TDRD5: variants seen among roughly 807,000 people sequenced by gnomAD.
TDRD5 encodes tudor domain-containing protein 5.
TDRD5 carries 41 observed loss-of-function variants against 120.6 expected under a neutral mutation model. The observed-to-expected ratio is 0.34, with a 90% CI of 0.26 to 0.44. The LOEUF is 0.44. Among genes scored for constraint, TDRD5 ranks in the 20% least tolerant of loss-of-function variants. The probability of loss-of-function intolerance (pLI) is 1.00; values close to 1 mark genes in which losing one functional copy is unlikely to be tolerated. For missense variants in TDRD5, 1,006 were observed against 1,221.2 expected (o/e 0.82, Z 2.63); for synonymous variants, 430 against 433.7 (o/e 0.99, Z 0.11).
At chr1:179,675,480 C>T (rs12411074) in intron 17 of TDRD5, among the ~76,000 whole-genome samples, 27,780 of 149,760 alleles carry the variant, frequency 0.19, 2,912 homozygotes, top group East Asian at 0.34. Context: ...GGGGTTTCAC[C>T]GTGTTAGCCA....
intron 17 of TDRD5, among the ~76,000 whole-genome samples, chr1:179,684,560 C>A (rs1680600731): frequency 6.6e-6 from 1 of 152,166 alleles, no homozygotes; most frequent in Non-Finnish European, 1.5e-5. Context: ...TGGGTATATA[C>A]CCAGTGATGG....
chr1:179,631,039 G>C lies in TDRD5; in HGVS notation c.1126+119G>C, dbSNP rs747055726. 12 of 1,020,426 alleles carry C rather than the reference G, an allele frequency of 1.2e-5. No individual in the cohort carries two copies. The South Asian group carries it at 2.2e-4, about 18-fold the overall frequency. The allele number at this position is 1,020,426 out of a possible 1,614,324, so 63.2% of individuals were successfully genotyped here. A position where few individuals can be genotyped will look rare whatever the true frequency, so the allele number is the denominator to read the frequency against. On this transcript the variant is annotated intron_variant, in intron 7 of 17. Coordinates refer to ENST00000444136, the MANE Select transcript of TDRD5 (RefSeq NM_001199085.3). ...TTATAAAATGACCTCCTTTCTGGTG[G>C]TATTTGTTGTAATAAGGTTAATCTG...
intron 17 of TDRD5, among the ~76,000 whole-genome samples, chr1:179,681,373 G>A (rs138745294): frequency 7.2e-5 from 11 of 152,022 alleles, no homozygotes; most frequent in South Asian, 6.2e-4. Context: ...AGCTATTGTC[G>A]TTTTACTTTT....
At chr1:179,633,487 G>A (rs1677575238) in intron 7 of TDRD5, among the ~76,000 whole-genome samples, 1 of 151,986 alleles carries the variant, frequency 6.6e-6, no homozygotes, top group African/African-American at 2.4e-5. Context: ...AAGTAGCTGG[G>A]ACTACAGGCG....
intron 9 of TDRD5, among the ~76,000 whole-genome samples, chr1:179,638,703 C>A (rs1287937596): frequency 7.9e-6 from 1 of 126,722 alleles, no homozygotes; most frequent in Non-Finnish European, 1.7e-5. Flanking sequence ...AGTCATCCTG[C>A]CAGCTACTGG....
chr1:179,595,092 G>C (rs1675317362), intron 3 of TDRD5, among the ~76,000 whole-genome samples: 1 of 151,974 alleles, frequency 6.6e-6, no homozygotes, highest in South Asian at 2.1e-4. Context: ...TTAGGGTAAA[G>C]GAAGAGCTAG....
chr1:179,612,823 C>T (rs1323625856), intron 4 of TDRD5, among the ~76,000 whole-genome samples: 2 of 151,338 alleles, frequency 1.3e-5, no homozygotes, highest in Admixed American at 1.3e-4. Context: ...GTAGTCCCAG[C>T]TACTCAGGAG....
chr1:179,666,044 A>G (rs971383661), intron 16 of TDRD5, among the ~76,000 whole-genome samples: 4 of 152,152 alleles, frequency 2.6e-5, no homozygotes, highest in Non-Finnish European at 5.9e-5. Flanking sequence ...TCTAGCTACC[A>G]CACTTGTTTT....
intron 17 of TDRD5, 134 bp downstream of exon 17, chr1:179,669,538 C>G: frequency 9.9e-7 from 1 of 1,010,224 alleles, no homozygotes; most frequent in Non-Finnish European, 1.4e-6. Flanking sequence ...TGTGTTAAGT[C>G]CTTGTTTTAT....
chr1:179,671,527 C>CT (rs1331189110), intron 17 of TDRD5, among the ~76,000 whole-genome samples: 6 of 152,006 alleles, frequency 3.9e-5, no homozygotes, highest in Admixed American at 6.6e-5. Flanking sequence ...TACTGTACTT[C>CT]TTATGTATAA....
intron 8 of TDRD5, among the ~76,000 whole-genome samples, chr1:179,634,928 G>A (rs1021945573): frequency 5.3e-5 from 8 of 152,092 alleles, no homozygotes; most frequent in Non-Finnish European, 1.0e-4. Flanking sequence ...AAACTTGAGA[G>A]GCTTCGTTTT....
chr1:179,647,437 A>T (rs1156925472), intron 11 of TDRD5, among the ~76,000 whole-genome samples: 14 of 152,214 alleles, frequency 9.2e-5, no homozygotes, highest in East Asian at 1.9e-4. Flanking sequence ...TTACACCTTA[A>T]ACAAAAATCA....
chr1:179,669,332 A>G lies in TDRD5; in HGVS notation c.2788A>G (p.Ile930Val). ...PNNSQTQPKQ[I>V]QLSTAAPCST... ...CAACAGTCAGACTCAGCCAAAGCAAATTCAGCTTTCCACAGCAGCACCCTG... is the reference window on the plus strand; with the variant it reads ...CAACAGTCAGACTCAGCCAAAGCAAGTTCAGCTTTCCACAGCAGCACCCTG... Residue 930 changes from isoleucine to valine, a missense_variant, in exon 17 of 18, where the codon ATT (isoleucine) becomes GTT (valine). Ile to Val is a conservative substitution (Grantham distance 29). Transcript: ENST00000444136. 6.2e-7 allele frequency: 1 copy of G among 1,614,142 alleles called. No individual in the cohort carries two copies. The highest frequency in any genetic ancestry group is 8.5e-7 in the Non-Finnish European group (1 of 1,180,018).
chr1:179,611,290 G>A (rs1676263279), intron 4 of TDRD5, among the ~76,000 whole-genome samples: 1 of 152,014 alleles, frequency 6.6e-6, no homozygotes, highest in African/African-American at 2.4e-5. Flanking sequence ...GACCTTGAAT[G>A]TCTGCCTCGG....
chr1:179,679,340 C>T (rs2147803183), intron 17 of TDRD5, among the ~76,000 whole-genome samples: 1 of 152,038 alleles, frequency 6.6e-6, no homozygotes, highest in African/African-American at 2.4e-5. Context: ...TTTATAATGT[C>T]TTTGTCTGGT....
intron 6 of TDRD5, 43 bp from the exon 7 acceptor site, chr1:179,630,704 CTATATATGTTATATATCTGT>C (rs1330357004): frequency 1.6e-5 from 25 of 1,532,458 alleles, no homozygotes; most frequent in Non-Finnish European, 2.1e-5. Flanking sequence ...CCAAGGACAA[CTATATATGTTATATATCTGT>C]TATCTAATGC....
intron 11 of TDRD5, among the ~76,000 whole-genome samples, chr1:179,650,400 CAAAAAAA>C (rs35053562): frequency 2.2e-5 from 2 of 90,960 alleles, no homozygotes; most frequent in Non-Finnish European, 2.1e-5. Context: ...GACTCTGTCT[CAAAAAAA>C]AAAAAAAAAA....
chr1:179,656,639 C>T (rs1679020193), intron 14 of TDRD5, among the ~76,000 whole-genome samples: 1 of 152,210 alleles, frequency 6.6e-6, no homozygotes, highest in South Asian at 2.1e-4. Context: ...AATCAATTGT[C>T]CATATTTCTG....
At chr1:179,651,808 G>C (rs777867389) in intron 12 of TDRD5, among the ~76,000 whole-genome samples, 6 of 152,010 alleles carry the variant, frequency 3.9e-5, no homozygotes, top group Non-Finnish European at 8.8e-5. Context: ...AGCTACTCAG[G>C]AGGCTGAGGC....
Sources: allele counts gnomAD v4.1 joint callset (sites outside exome capture counted in the v4.1 genomes callset), GRCh38; gene constraint gnomAD v4.1.1; transcripts MANE v1.5; gene names NCBI Gene and HGNC (gene_info 2026-07-23, HGNC 2026-07-21).